MYO1D: variants seen among roughly 807,000 people sequenced by gnomAD.
The protein encoded by MYO1D is unconventional myosin-Id.
Under a neutral mutation model 122.0 loss-of-function variants are expected in MYO1D, and 83 were observed. That is an observed-to-expected ratio of 0.68 (90% CI 0.57 to 0.82). The LOEUF is 0.82. Among genes scored for constraint, MYO1D ranks in the 40% least tolerant of loss-of-function variants. The probability of loss-of-function intolerance (pLI) is 0.00; values close to 1 mark genes in which losing one functional copy is unlikely to be tolerated. For synonymous variants in MYO1D, 464 were observed against 446.9 expected (o/e 1.04, Z -0.48); for missense variants, 1,157 against 1,269.5 (o/e 0.91, Z 1.35).
chr17:32,866,482 C>T (rs778925394), intron 1 of MYO1D, among the ~76,000 whole-genome samples: 1 of 152,100 alleles, frequency 6.6e-6, no homozygotes. Context: ...CTGCCGTATC[C>T]CTGAACAGTA....
chr17:32,618,827 G>T (rs2087814500), intron 20 of MYO1D, among the ~76,000 whole-genome samples: 1 of 151,908 alleles, frequency 6.6e-6, no homozygotes. Flanking sequence ...TAGAGACAAG[G>T]TTTCACCATG....
In MYO1D at chr17:32,560,125, T is replaced by G. The variant is rs1004877291; in HGVS notation, c.2864+44962A>C. Among the ~76,000 whole-genome samples the G allele has an allele frequency of 4.6e-5, 7 of 152,056 alleles. No individual in the cohort carries two copies. The East Asian group carries it at 9.7e-4, about 21-fold the overall frequency. On this transcript the variant is annotated intron_variant, in intron 21 of 21. Coordinates refer to ENST00000318217, the MANE Select transcript of MYO1D (RefSeq NM_015194.3). ...ACAAAATTAGCCAGGTGTGGTGGCA[T>G]GTGCCTGTAATCCCAGCTACTCAGG...
intron 1 of MYO1D, among the ~76,000 whole-genome samples, chr17:32,849,459 T>C (rs1298201124): frequency 6.7e-6 from 1 of 149,734 alleles, no homozygotes; most frequent in Non-Finnish European, 1.5e-5. Context: ...ATGTGGCACA[T>C]ATACACCATG....
intron 21 of MYO1D, among the ~76,000 whole-genome samples, chr17:32,590,138 T>A (rs1263128632): frequency 6.6e-6 from 1 of 152,270 alleles, no homozygotes; most frequent in Non-Finnish European, 1.5e-5. Flanking sequence ...ATGATAAAGT[T>A]CAAATTCATT....
intron 1 of MYO1D, among the ~76,000 whole-genome samples, chr17:32,809,145 AAAAAAACTGT>A (rs1018986837): frequency 6.6e-6 from 1 of 151,650 alleles, no homozygotes; most frequent in African/African-American, 2.4e-5. Context: ...AAAAAAAAAA[AAAAAAACTGT>A]CACCCATCCT....
chr17:32,863,967 C>G (rs1218567659), intron 1 of MYO1D, among the ~76,000 whole-genome samples: 1 of 135,448 alleles, frequency 7.4e-6, no homozygotes, highest in Non-Finnish European at 1.5e-5. Context: ...TTATACCATA[C>G]TGCCACTTTT....
At chr17:32,560,220 A>G (rs1432932544) in intron 21 of MYO1D, among the ~76,000 whole-genome samples, 1 of 152,148 alleles carries the variant, frequency 6.6e-6, no homozygotes, top group Non-Finnish European at 1.5e-5. Context: ...GCACCACTGC[A>G]CTGCAGCCTG....
intron 21 of MYO1D, among the ~76,000 whole-genome samples, chr17:32,592,930 C>T (rs1306582221): frequency 2.0e-5 from 3 of 152,156 alleles, no homozygotes; most frequent in South Asian, 2.1e-4. Context: ...CCGCTTCTTT[C>T]GGGAAATGCT....
intron 21 of MYO1D, among the ~76,000 whole-genome samples, chr17:32,526,918 T>G (rs1910361940): frequency 6.6e-6 from 1 of 152,230 alleles, no homozygotes; most frequent in African/African-American, 2.4e-5. Context: ...TTCAAGAGAA[T>G]CCTTCTTACA....
intron 16 of MYO1D, among the ~76,000 whole-genome samples, chr17:32,671,077 G>A (rs759088664): frequency 1.3e-5 from 2 of 152,232 alleles, no homozygotes; most frequent in Non-Finnish European, 2.9e-5. Context: ...GCAAAAGGCT[G>A]ATGGAGCTGC....
At chr17:32,702,921 A>G (rs1299364219) in intron 16 of MYO1D, among the ~76,000 whole-genome samples, 1 of 152,246 alleles carries the variant, frequency 6.6e-6, no homozygotes, top group Non-Finnish European at 1.5e-5. Context: ...GGTAAGGGGT[A>G]GCATAATTTA....
intron 4 of MYO1D, among the ~76,000 whole-genome samples, chr17:32,774,866 A>T (rs1215586966): frequency 6.6e-6 from 1 of 152,242 alleles, no homozygotes; most frequent in African/African-American, 2.4e-5. Context: ...TGGGATAGGA[A>T]ACCCTTAACT....
chr17:32,522,387 G>A (rs549496523), intron 21 of MYO1D, among the ~76,000 whole-genome samples: 1 of 152,332 alleles, frequency 6.6e-6, no homozygotes, highest in East Asian at 1.9e-4. Context: ...TTGGTGGTCA[G>A]AATGAAAGAA....
At chr17:32,612,925 C>T (rs2087721874) in intron 20 of MYO1D, among the ~76,000 whole-genome samples, 1 of 151,756 alleles carries the variant, frequency 6.6e-6, no homozygotes, top group East Asian at 2.0e-4. Flanking sequence ...CACGTCACCA[C>T]ACCCGGCTAG....
intron 21 of MYO1D, among the ~76,000 whole-genome samples, chr17:32,574,876 C>T (rs771080587): frequency 6.6e-6 from 1 of 152,156 alleles, no homozygotes; most frequent in Non-Finnish European, 1.5e-5. Context: ...TCTGTGCTCG[C>T]CACTTGCTAG....
chr17:32,517,366 C>G (rs7212466), intron 21 of MYO1D, among the ~76,000 whole-genome samples: 1 of 152,026 alleles, frequency 6.6e-6, no homozygotes, highest in African/African-American at 2.4e-5. Flanking sequence ...GCCTCTTTGT[C>G]TAGCCTCAAG....
intron 21 of MYO1D, among the ~76,000 whole-genome samples, chr17:32,597,170 A>T (rs1391034493): frequency 2.6e-5 from 4 of 152,208 alleles, no homozygotes; most frequent in Non-Finnish European, 2.9e-5. Flanking sequence ...ATAATAATGA[A>T]TTCAGAGAAA....
At chr17:32,607,172 A>G (rs1276105269) in intron 20 of MYO1D, among the ~76,000 whole-genome samples, 2 of 152,148 alleles carry the variant, frequency 1.3e-5, no homozygotes, top group African/African-American at 4.8e-5. Flanking sequence ...AGAAAAAAAA[A>G]ATTAAAAAGC....
chr17:32,808,651 C>A (rs1420001800), intron 1 of MYO1D, among the ~76,000 whole-genome samples: 2 of 152,084 alleles, frequency 1.3e-5, no homozygotes, highest in Non-Finnish European at 2.9e-5. Flanking sequence ...TGGGGTTAAC[C>A]AGGTCATCAA....
Sources: allele counts gnomAD v4.1 joint callset (sites outside exome capture counted in the v4.1 genomes callset), GRCh38; gene constraint gnomAD v4.1.1; transcripts MANE v1.5; gene names NCBI Gene and HGNC (gene_info 2026-07-23, HGNC 2026-07-21).